BCL11B: variants seen among roughly 807,000 people sequenced by gnomAD.
BCL11B encodes the protein BCL11 transcription factor B.
In BCL11B, 8 loss-of-function variants were observed where a neutral mutation model predicts 49.9. The ratio of observed to expected loss-of-function variants is 0.16; its 90% CI spans 0.09 to 0.29. The LOEUF is 0.29. BCL11B is among the 10% of genes least tolerant of loss of function. BCL11B has a pLI of 1.00. For synonymous variants in BCL11B, 739 were observed against 637.4 expected (o/e 1.16, Z -2.40); for missense variants, 1,006 against 1,351.0 (o/e 0.74, Z 4.00).
intron 3 of BCL11B, among the ~76,000 whole-genome samples, chr14:99,190,320 C>A (rs894545403): frequency 6.6e-6 from 1 of 152,192 alleles, no homozygotes; most frequent in African/African-American, 2.4e-5. Context: ...AACCCCGTCT[C>A]TACTAAAAAT....
Position 99,171,405 on chromosome 14 carries a change from C to T in BCL11B, c.*2746G>A. On this transcript the variant is annotated 3_prime_UTR_variant, in exon 4 of 4. Coordinates refer to ENST00000357195, the MANE Select transcript of BCL11B (RefSeq NM_138576.4). Reference sequence around the variant, plus strand: ...AATTAAAAAAATATATTATGGCAGCCTGTTTGTTTTTGTTTTTTTTTTCTT... The same window carrying T: ...AATTAAAAAAATATATTATGGCAGCTTGTTTGTTTTTGTTTTTTTTTTCTT... 1 of 216,500 alleles carries T rather than the reference C, an allele frequency of 4.6e-6. No homozygotes were observed. Among genetic ancestry groups the T allele is most frequent in the East Asian group, 6.9e-5 (1 of 14,460 alleles). 13.4% of individuals were successfully genotyped at this position (216,500 alleles called of 1,614,324 possible).
At position 99,178,963 on chromosome 14, in the gene BCL11B, G is replaced by T. The variant is rs565431692; in HGVS notation, c.641-2768C>A. 4.0e-4 allele frequency among the ~76,000 whole-genome samples: 61 copies of T among 152,282 alleles called. No individual in the cohort carries two copies. The South Asian group carries it at 8.1e-3, about 20-fold the overall frequency. ...AAAGCACTTCCTGTTTCTTGATCTG[G>T]GTGGCCACAGATTTTCTAGAAAGTT... On this transcript the variant is annotated intron_variant, in intron 3 of 3. Transcript: ENST00000357195.
In BCL11B at chr14:99,194,399, C is replaced by T. The variant is rs886817072; in HGVS notation, c.641-18204G>A. On this transcript the variant is annotated intron_variant, in intron 3 of 3. Coordinates refer to ENST00000357195, the MANE Select transcript of BCL11B (RefSeq NM_138576.4). This position sits in a 1 kb window ranked among gnomAD's most constrained non-coding sequence, Gnocchi z 4.6. ...ACAACATCCCTAGGGGGTGGCAGGG[C>T]CAGGAAGATGCCTGTAGGCATGGCC... 6.6e-6 allele frequency among the ~76,000 whole-genome samples: 1 copy of T among 152,204 alleles called. No individual in the cohort carries two copies. Among genetic ancestry groups the T allele is most frequent in the Admixed American group, 6.5e-5 (1 of 15,280 alleles).
intron 3 of BCL11B, among the ~76,000 whole-genome samples, chr14:99,198,802 G>A (rs1357582790): frequency 6.6e-6 from 1 of 152,094 alleles, no homozygotes; most frequent in Non-Finnish European, 1.5e-5. Context: ...CCCCCGGTCA[G>A]CACAGCAAAA....
At chr14:99,235,908 A>T (rs1012781652) in intron 2 of BCL11B, among the ~76,000 whole-genome samples, 22 of 12,806 alleles carry the variant, frequency 1.7e-3, no homozygotes, top group East Asian at 8.2e-3. Context: ...AAAAAAATTA[A>T]AAAAAAGCTC....
intron 1 of BCL11B, among the ~76,000 whole-genome samples, chr14:99,261,070 T>C (rs1215497251): frequency 6.6e-6 from 1 of 152,162 alleles, no homozygotes; most frequent in Non-Finnish European, 1.5e-5. Context: ...CGGGGTTTCC[T>C]CTCCCCACCA....
intron 2 of BCL11B, among the ~76,000 whole-genome samples, chr14:99,238,124 T>G (rs1888558712): frequency 6.6e-6 from 1 of 151,860 alleles, no homozygotes; most frequent in African/African-American, 2.4e-5. Context: ...TGAGGGAGAC[T>G]AGAAGCACAC....
intron 3 of BCL11B, among the ~76,000 whole-genome samples, chr14:99,181,580 C>T (rs1040917533): frequency 6.6e-6 from 1 of 152,240 alleles, no homozygotes; most frequent in African/African-American, 2.4e-5. Flanking sequence ...GGTTCTCCCA[C>T]CACACTGTGA....
rs781691721 is a variant in BCL11B, at chr14:99,175,863, G to A, written c.973C>T (p.Leu325=). ...TCGGCACTGAGGCGGTGCGGGTCCA[G>A]GTGGTGGCGCGGCGGGGGACTGAAG... The part of the protein sequence containing the change: ...PLFSPPPRHH[L]DPHRLSAEEM... Residue 325 remains leucine (L), a synonymous_variant, in exon 4 of 4, where the codon CTG becomes TTG. Coordinates refer to ENST00000357195, the MANE Select transcript of BCL11B (RefSeq NM_138576.4). The A allele has an allele frequency of 2.0e-6, 3 of 1,477,468 alleles. No individual in the cohort carries two copies. Among genetic ancestry groups the A allele is most frequent in the African/African-American group, 1.5e-5 (1 of 67,486 alleles). The allele number at this position is 1,477,468 out of a possible 1,614,324, so 91.5% of individuals were successfully genotyped here.
rs778487879 is a variant in BCL11B at position 99,256,419 on chromosome 14, G to A, written c.427+1052C>T. Among the ~76,000 whole-genome samples, 8 of 152,282 alleles carry A rather than the reference G, an allele frequency of 5.3e-5. No individual in the cohort carries two copies. In the East Asian group the frequency reaches 1.2e-3, roughly 22 times the overall value. On this transcript the variant is annotated intron_variant, in intron 2 of 3. Transcript: ENST00000357195. ...TTGACAGATGGGGAAACTGAGGCTC[G>A]GACCCATGAAGTGGCTAATCCAAAG...
intron 3 of BCL11B, among the ~76,000 whole-genome samples, chr14:99,198,797 G>C (rs985369245): frequency 6.6e-6 from 1 of 152,012 alleles, no homozygotes; most frequent in Admixed American, 6.6e-5. Flanking sequence ...CCCCACCCCC[G>C]GTCAGCACAG....
At chr14:99,201,914 C>T (rs1887395872) in intron 3 of BCL11B, among the ~76,000 whole-genome samples, 1 of 152,198 alleles carries the variant, frequency 6.6e-6, no homozygotes, top group Admixed American at 6.5e-5. Flanking sequence ...CAGAACAATG[C>T]CAGGCTCCAA....
chr14:99,230,232 C>T (rs1444563594), intron 3 of BCL11B, among the ~76,000 whole-genome samples: 1 of 152,226 alleles, frequency 6.6e-6, no homozygotes, highest in Non-Finnish European at 1.5e-5. Context: ...AGAGCTGTGG[C>T]TCCATCAGGG....
chr14:99,199,689 CGCGCGCGCACGTGCACGTGTGTGCGT>C (rs1370917392), intron 3 of BCL11B, among the ~76,000 whole-genome samples: 2 of 60,146 alleles, frequency 3.3e-5, no homozygotes, highest in East Asian at 2.9e-4. Flanking sequence ...TGTGTGCGCG[CGCGCGCGCACGTGCACGTGTGTGCGT>C]GTGTGCATGC....
intron 3 of BCL11B, among the ~76,000 whole-genome samples, chr14:99,188,035 C>G (rs913830607): frequency 2.6e-5 from 4 of 152,176 alleles, no homozygotes; most frequent in Non-Finnish European, 4.4e-5. Flanking sequence ...TACTGACACA[C>G]TACAAACAAG....
At chr14:99,263,362 G>A (rs891002738) in intron 1 of BCL11B, among the ~76,000 whole-genome samples, 2 of 152,214 alleles carry the variant, frequency 1.3e-5, no homozygotes, top group Non-Finnish European at 2.9e-5. Flanking sequence ...GGGAGAGCAA[G>A]GGAAGGCGGC....
chr14:99,188,939 C>A (rs543395424), intron 3 of BCL11B, among the ~76,000 whole-genome samples: 2 of 152,358 alleles, frequency 1.3e-5, no homozygotes, highest in South Asian at 2.1e-4. Context: ...AGTGAATGTT[C>A]TTTTCTGCAC....
intron 3 of BCL11B, among the ~76,000 whole-genome samples, chr14:99,197,648 C>A (rs1430448243): frequency 6.6e-6 from 1 of 152,162 alleles, no homozygotes; most frequent in Non-Finnish European, 1.5e-5. Flanking sequence ...AAGATACACA[C>A]CCCGCACGCA....
chr14:99,172,617 TA>T lies in BCL11B; in HGVS notation c.*1533del, dbSNP rs1886326989. 4.7e-6 allele frequency: 1 copy of T among 212,530 alleles called. No homozygotes were observed. Among genetic ancestry groups the T allele is most frequent in the Non-Finnish European group, 9.5e-6 (1 of 104,874 alleles). The allele number at this position is 212,530 out of a possible 1,614,324, so 13.2% of individuals were successfully genotyped here. A position where few individuals can be genotyped will look rare whatever the true frequency, so the allele number is the denominator to read the frequency against. On this transcript the variant is annotated 3_prime_UTR_variant, in exon 4 of 4. Transcript: ENST00000357195. ...TAAATTATTATTTTATTTTGTTCTT[TA>T]TAGTGCCAGTATTGTGAATGCCACG...
Sources: allele counts gnomAD v4.1 joint callset (sites outside exome capture counted in the v4.1 genomes callset), GRCh38; gene constraint gnomAD v4.1.1; non-coding constraint Gnocchi (gnomAD v3.1); transcripts MANE v1.5; gene names NCBI Gene and HGNC (gene_info 2026-07-23, HGNC 2026-07-21).